Variants in KAT2B observed in about 807,000 individuals in gnomAD.
The protein encoded by KAT2B is lysine acetyltransferase 2B, also known as histone acetyltransferase KAT2B.
In KAT2B, 36 loss-of-function variants were observed where a neutral mutation model predicts 105.9. The observed-to-expected ratio is 0.34, with a 90% CI of 0.26 to 0.45. The LOEUF (loss-of-function observed/expected upper bound fraction) is 0.45. Ranked by LOEUF, KAT2B falls within the 20% of genes least tolerant of loss-of-function variation. The pLI, the probability that KAT2B is intolerant of heterozygous loss-of-function variation, is 1.00. For synonymous variants in KAT2B, 397 were observed against 377.9 expected, an observed-to-expected ratio of 1.05 and a Z score of -0.59; for missense variants, 820 against 1,021.6, an observed-to-expected ratio of 0.80 and a Z score of 2.69.
intron 3 of KAT2B, among the ~76,000 whole-genome samples, chr3:20,098,967 G>T (rs75214106): frequency 0.02 from 2,980 of 152,184 alleles, 83 homozygotes; most frequent in African/African-American, 0.068. Flanking sequence ...CTACTGAAAA[G>T]GCAGTAAGCG....
At chr3:20,109,808 T>A (rs1699088135) in intron 5 of KAT2B, among the ~76,000 whole-genome samples, 1 of 152,148 alleles carries the variant, frequency 6.6e-6, no homozygotes, top group South Asian at 2.1e-4. Flanking sequence ...AGATACCCAT[T>A]TCAGTATTGT....
chr3:20,051,893 A>T (rs9822453), intron 1 of KAT2B, among the ~76,000 whole-genome samples: 53 of 152,246 alleles, frequency 3.5e-4, no homozygotes, highest in Non-Finnish European at 4.4e-4. Flanking sequence ...ATGGGGTGTT[A>T]TATCTATTGC....
rs1699608055 is a variant in KAT2B at position 20,136,889 on chromosome 3, A to C, written c.1750-53A>C. On this transcript the variant is annotated intron_variant, in intron 11 of 17. Coordinates refer to ENST00000263754, the MANE Select transcript of KAT2B (RefSeq NM_003884.5). ...ACCATCATTTCCTGATGGATTTGTA[A>C]AAATTTTTCTCCCCAGTCTAATGTA... 3 of 921,654 alleles carry C rather than the reference A, an allele frequency of 3.3e-6. No homozygotes were observed. The Admixed American group carries it at 6.2e-5, about 19-fold the overall frequency. The allele number at this position is 921,654 out of a possible 1,614,324, so 57.1% of individuals were successfully genotyped here. A position where few individuals can be genotyped will look rare whatever the true frequency, so the allele number is the denominator to read the frequency against.
At position 20,153,844 on chromosome 3, in the gene KAT2B, A is replaced by G. The variant is rs193162300; in HGVS notation, c.*1319A>G. ...AAGCGTATTTAACTTGATGTTTTCT[A>G]TCAGCATAAATAAAATGGTCATGAA... On this transcript the variant is annotated 3_prime_UTR_variant, in exon 18 of 18. Coordinates refer to ENST00000263754, the MANE Select transcript of KAT2B (RefSeq NM_003884.5). 6.6e-6 allele frequency: 1 copy of G among 152,660 alleles called. No homozygotes were observed. The highest frequency in any genetic ancestry group is 1.9e-4 in the East Asian group (1 of 5,190). 9.5% of individuals were successfully genotyped at this position (152,660 alleles called of 1,614,324 possible).
intron 16 of KAT2B, 44 bp from the exon 17 acceptor site, chr3:20,148,359 A>G (rs201663437): frequency 6.2e-7 from 1 of 1,609,480 alleles, no homozygotes; most frequent in East Asian, 2.2e-5. Flanking sequence ...GATTTCCCAC[A>G]TGGAATTTCC....
intron 13 of KAT2B, among the ~76,000 whole-genome samples, chr3:20,143,170 G>A (rs1699723253): frequency 6.6e-6 from 1 of 152,112 alleles, no homozygotes; most frequent in Non-Finnish European, 1.5e-5. Context: ...ACTGAGCTGT[G>A]GACTTCAGGA....
At chr3:20,117,961 A>G (rs955581468) in intron 7 of KAT2B, among the ~76,000 whole-genome samples, 1 of 152,120 alleles carries the variant, frequency 6.6e-6, no homozygotes, top group African/African-American at 2.4e-5. Context: ...GTATATTTTC[A>G]GTAGAGTTAC....
At chr3:20,041,685 G>A (rs1182597473) in intron 1 of KAT2B, among the ~76,000 whole-genome samples, 1 of 152,118 alleles carries the variant, frequency 6.6e-6, no homozygotes, top group Non-Finnish European at 1.5e-5. Flanking sequence ...TGAGGGGGGC[G>A]GGGACTTGGC....
chr3:20,140,633 G>GGT (rs1317331516), intron 13 of KAT2B, among the ~76,000 whole-genome samples: 1 of 152,098 alleles, frequency 6.6e-6, no homozygotes, highest in Non-Finnish European at 1.5e-5. Flanking sequence ...TAAGATTACA[G>GGT]GTGTGTGCTA....
In KAT2B at chr3:20,040,587, C is replaced by T. The variant is rs1697694607; in HGVS notation, c.110C>T (p.Pro37Leu). The T allele has an allele frequency of 8.5e-7, 1 of 1,177,024 alleles. No individual in the cohort carries two copies. The highest frequency in any genetic ancestry group is 1.1e-6 in the Non-Finnish European group (1 of 951,372). 72.9% of individuals were successfully genotyped at this position (1,177,024 alleles called of 1,614,324 possible). ...CCTGCGGCGCTTCCGCCCGCGCCCCCGCAGGGCTCCCCCTGCGCCGCTGCC... is the reference window on the plus strand; with the variant it reads ...CCTGCGGCGCTTCCGCCCGCGCCCCTGCAGGGCTCCCCCTGCGCCGCTGCC... The part of the protein sequence containing the change: ...PQPAALPPAP[P>L]QGSPCAAAAG... Residue 37 changes from proline (P) to leucine (L), a missense_variant, in exon 1 of 18, where the codon CCG (proline) becomes CTG (leucine). Transcript: ENST00000263754.
rs910261493 is a variant in KAT2B at position 20,049,393 on chromosome 3, G to A, written c.303+8613G>A. Among the ~76,000 whole-genome samples the A allele has an allele frequency of 6.6e-5, 10 of 152,260 alleles. 1 individual carries two copies. Among genetic ancestry groups the A allele is most frequent in the Admixed American group, 2.0e-4 (3 of 15,292 alleles). ...CTCACGACATTTGATTCTTCTACCC[G>A]GGGAAAGTGGAAGGTAAGGGAGTTC... On this transcript the variant is annotated intron_variant, in intron 1 of 17. Coordinates refer to ENST00000263754, the MANE Select transcript of KAT2B (RefSeq NM_003884.5).
intron 1 of KAT2B, among the ~76,000 whole-genome samples, chr3:20,045,519 A>G (rs185295419): frequency 6.6e-6 from 1 of 151,790 alleles, no homozygotes; most frequent in African/African-American, 2.4e-5. Context: ...CCTGCTTGGG[A>G]TTGGGTTTTT....
At position 20,140,346 on chromosome 3, in the gene KAT2B, C is replaced by A; in HGVS notation, c.1986C>A (p.Ile662=). The A allele has an allele frequency of 6.2e-7, 1 of 1,613,784 alleles. No homozygotes were observed. The change falls in exon 13 of 18, where the codon ATC becomes ATA. Residue 662 remains isoleucine, a synonymous_variant. Transcript: ENST00000263754. The part of the protein sequence containing the change: ...PRIPYTEFSV[I]IKKQKEIIKK... The stretch of plus-strand genomic sequence containing the variant: ...TCCCGTACACAGAATTTTCTGTCAT[C>A]ATTAAAAAGCAGAAGGAGGTAAGCA...
At chr3:20,122,082 G>A (rs906944100) in intron 8 of KAT2B, among the ~76,000 whole-genome samples, 1 of 152,044 alleles carries the variant, frequency 6.6e-6, no homozygotes, top group Non-Finnish European at 1.5e-5. Context: ...ATCAACCAAC[G>A]GTTGAGGCTT....
At chr3:20,122,346 G>C (rs1372236579) in intron 8 of KAT2B, among the ~76,000 whole-genome samples, 1 of 152,182 alleles carries the variant, frequency 6.6e-6, no homozygotes, top group Non-Finnish European at 1.5e-5. Flanking sequence ...ACCTTGAAGA[G>C]ACTATATTAG....
At chr3:20,041,580 G>A (rs898479074) in intron 1 of KAT2B, among the ~76,000 whole-genome samples, 6 of 152,200 alleles carry the variant, frequency 3.9e-5, no homozygotes, top group African/African-American at 1.4e-4. Context: ...TCCAGATGTG[G>A]AGGCTGTGTT....
In KAT2B at chr3:20,140,382, T is replaced by C. The variant is rs755026773; in HGVS notation, c.2004+18T>C. 2.7e-5 allele frequency: 43 copies of C among 1,612,804 alleles called. No homozygotes were observed. In the South Asian group the frequency reaches 4.6e-4, roughly 17 times the overall value. ...AGAAGGAGGTAAGCAGGTGGTTGAC[T>C]CCCTTACCTTCTGTACAGGCCAGTC... On this transcript the variant is annotated intron_variant, in intron 13 of 17. Coordinates refer to ENST00000263754, the MANE Select transcript of KAT2B (RefSeq NM_003884.5).
chr3:20,040,735 G>A lies in KAT2B; in HGVS notation c.258G>A (p.Pro86=), dbSNP rs753468658. ...AVKKAQLRSA[P]RAKKLEKLGV... ...AGAAAGCGCAACTACGCTCCGCTCC[G>A]CGGGCCAAGAAACTGGAGAAACTCG... is the stretch of plus-strand genomic sequence containing the variant. Residue 86 remains proline (P), a synonymous_variant, in exon 1 of 18, where the codon CCG becomes CCA. Transcript: ENST00000263754. 6 of 1,595,676 alleles carry A rather than the reference G, an allele frequency of 3.8e-6. No individual in the cohort carries two copies. The highest frequency in any genetic ancestry group is 5.1e-6 in the Non-Finnish European group (6 of 1,173,794).
intron 2 of KAT2B, 76 bp downstream of exon 2, chr3:20,072,535 G>A (rs1698343891): frequency 6.9e-7 from 1 of 1,445,082 alleles, no homozygotes; most frequent in Non-Finnish European, 9.7e-7. Context: ...GAATTCTGTG[G>A]GTTCACCAAA....
Sources: gnomAD v4.1 joint callset for allele counts (sites outside exome capture counted in the v4.1 genomes callset) on GRCh38, gnomAD v4.1.1 for gene constraint, MANE v1.5 for transcripts, NCBI Gene and HGNC (gene_info 2026-07-23, HGNC 2026-07-21) for gene names.